MYO5B: variants seen among roughly 807,000 people sequenced by gnomAD.
The protein encoded by MYO5B is unconventional myosin-Vb.
Under a neutral mutation model 229.3 loss-of-function variants are expected in MYO5B, and 143 were observed. The ratio of observed to expected loss-of-function variants is 0.62; its 90% CI spans 0.54 to 0.72. The LOEUF is 0.72. MYO5B is among the 30% of genes least tolerant of loss of function. MYO5B has a pLI of 0.00. For missense variants in MYO5B, 2,321 were observed against 2,331.0 expected (o/e 1.00, Z 0.09); for synonymous variants, 918 against 885.2 (o/e 1.04, Z -0.66).
intron 22 of MYO5B, among the ~76,000 whole-genome samples, chr18:49,889,096 G>A (rs2024679668): frequency 6.6e-6 from 1 of 152,244 alleles, no homozygotes; most frequent in Non-Finnish European, 1.5e-5. Flanking sequence ...AAGTTAAGGA[G>A]CCTGCATTCC....
At position 49,842,718 on chromosome 18, in the gene MYO5B, C is replaced by T. The variant is rs539012437; in HGVS notation, c.4611+523G>A. Among the ~76,000 whole-genome samples, 10 of 152,320 alleles carry T rather than the reference C, an allele frequency of 6.6e-5. No homozygotes were observed. In the South Asian group the frequency reaches 1.5e-3, roughly 22 times the overall value. On this transcript the variant is annotated intron_variant, in intron 34 of 39. Transcript: ENST00000285039. The stretch of plus-strand genomic sequence containing the variant: ...GCCTTGTGCCTTCAGGTGGCATTCC[C>T]GAGCACCTTTAACACCATGCGGCAA...
rs757511853 is a variant in MYO5B, at chr18:49,974,456, T to A, written c.1216A>T (p.Lys406Ter). 6.2e-7 allele frequency: 1 copy of A among 1,614,164 alleles called. No individual in the cohort carries two copies. The highest frequency in any genetic ancestry group is 1.1e-5 in the South Asian group (1 of 91,080). Residue 406 changes from lysine to a stop codon, truncating the protein, a stop_gained, in exon 10 of 40, where the codon AAG (lysine) becomes TAG (stop). Coordinates refer to ENST00000285039, the MANE Select transcript of MYO5B (RefSeq NM_001080467.3). LOFTEE classifies it high-confidence loss of function. ...QVINARNALA[K>*]HIYAQLFGWI... ...CCGAACAACTGGGCATAGATGTGCTTCGCCAGGGCGTTGCGCGCATTGATC... is the reference window on the plus strand; with the variant it reads ...CCGAACAACTGGGCATAGATGTGCTACGCCAGGGCGTTGCGCGCATTGATC...
At chr18:50,057,431 G>A (rs1013656498) in intron 1 of MYO5B, among the ~76,000 whole-genome samples, 2 of 152,208 alleles carry the variant, frequency 1.3e-5, no homozygotes, top group African/African-American at 4.8e-5. Flanking sequence ...GAAAGGAACA[G>A]GAAAATCCCA....
intron 21 of MYO5B, 140 bp downstream of exon 21, chr18:49,902,450 CAGTT>C: frequency 8.9e-7 from 1 of 1,123,278 alleles, no homozygotes; most frequent in Admixed American, 1.8e-5. Context: ...CTGCCTGCCA[CAGTT>C]AGTATCTGCT....
intron 1 of MYO5B, among the ~76,000 whole-genome samples, chr18:50,145,497 C>CAAAAAAAAA (rs369507800): frequency 1.0e-4 from 7 of 70,006 alleles, no homozygotes; most frequent in African/African-American, 4.1e-4. Context: ...GACTCCATCT[C>CAAAAAAAAA]AAAAAAAAAA....
chr18:50,067,131 C>T (rs2030840781), intron 1 of MYO5B, among the ~76,000 whole-genome samples: 1 of 152,102 alleles, frequency 6.6e-6, no homozygotes, highest in African/African-American at 2.4e-5. Context: ...TACCCTTTAT[C>T]CACTCTACTA....
At chr18:50,098,220 A>C (rs1418044145) in intron 1 of MYO5B, among the ~76,000 whole-genome samples, 1 of 152,224 alleles carries the variant, frequency 6.6e-6, no homozygotes, top group African/African-American at 2.4e-5. Flanking sequence ...CTTCAACAAC[A>C]GTTAATACCA....
At chr18:49,907,228 T>C (rs2024909732) in intron 18 of MYO5B, among the ~76,000 whole-genome samples, 2 of 152,142 alleles carry the variant, frequency 1.3e-5, no homozygotes. Context: ...AGCATAAAAT[T>C]GGGGTGAGAG....
chr18:49,887,555 A>G (rs2024658157), intron 22 of MYO5B, among the ~76,000 whole-genome samples: 1 of 152,052 alleles, frequency 6.6e-6, no homozygotes, highest in Non-Finnish European at 1.5e-5. Context: ...TCCCCCTTCA[A>G]CTTTTGCCAT....
At chr18:50,075,120 A>G (rs1226616025) in intron 1 of MYO5B, among the ~76,000 whole-genome samples, 5 of 152,166 alleles carry the variant, frequency 3.3e-5, no homozygotes, top group African/African-American at 9.7e-5. Flanking sequence ...TCTCAGTTAC[A>G]TCTCTAGTGC....
intron 1 of MYO5B, among the ~76,000 whole-genome samples, chr18:50,088,837 A>C (rs1009730119): frequency 3.3e-5 from 5 of 152,324 alleles, no homozygotes; most frequent in Admixed American, 3.3e-4. Flanking sequence ...TCTTTTGAAG[A>C]AAGCCTGCAT....
intron 1 of MYO5B, among the ~76,000 whole-genome samples, chr18:50,141,884 G>A (rs2032423574): frequency 6.6e-6 from 1 of 152,080 alleles, no homozygotes; most frequent in Non-Finnish European, 1.5e-5. Flanking sequence ...CTCTAAAGGG[G>A]GTAAAGACCA....
At chr18:49,864,073 A>G in intron 28 of MYO5B, 68 bp downstream of exon 28, 2 of 1,586,482 alleles carry the variant, frequency 1.3e-6, no homozygotes, top group Admixed American at 3.4e-5. Flanking sequence ...AAAGATAATT[A>G]AAAAAACACT....
At chr18:50,027,195 T>G (rs1443246375) in intron 4 of MYO5B, among the ~76,000 whole-genome samples, 1 of 152,210 alleles carries the variant, frequency 6.6e-6, no homozygotes, top group African/African-American at 2.4e-5. Context: ...GAAAATTATT[T>G]TGGACACACC....
At chr18:49,842,152 T>C (rs2024066182) in intron 34 of MYO5B, among the ~76,000 whole-genome samples, 1 of 151,218 alleles carries the variant, frequency 6.6e-6, no homozygotes, top group Admixed American at 6.6e-5. Context: ...GGCTGGGACA[T>C]GCTATTTTAG....
chr18:49,929,432 A>T, intron 17 of MYO5B, 80 bp downstream of exon 17: 3 of 1,159,616 alleles, frequency 2.6e-6, no homozygotes, highest in East Asian at 2.5e-5. Flanking sequence ...GGCCGACGGT[A>T]CACAGAGGGC....
chr18:50,133,156 T>G (rs1599045335), intron 1 of MYO5B, among the ~76,000 whole-genome samples: 1 of 152,300 alleles, frequency 6.6e-6, no homozygotes, highest in South Asian at 2.1e-4. Flanking sequence ...AGTCTCAAGT[T>G]CCTTATCCAT....
At chr18:49,891,587 G>C (rs4939606) in intron 22 of MYO5B, among the ~76,000 whole-genome samples, 18,829 of 152,226 alleles carry the variant, frequency 0.12, 1,430 homozygotes, top group East Asian at 0.29. Flanking sequence ...CGTCCTTCCA[G>C]AGATGGGTCA....
chr18:50,104,167 T>TAAAAAAAAAAAA lies in MYO5B; in HGVS notation c.28-48790_28-48789insTTTTTTTTTTTT, dbSNP rs144294604. Reference sequence around the variant, plus strand: ...GGGCAACAGATGAGAACTTGTCTATTAAAAAGAAAAAAAAGAAAATTATAC... The same window carrying TAAAAAAAAAAAA: ...GGGCAACAGATGAGAACTTGTCTATTAAAAAAAAAAAAAAAAAGAAAAAAAAGAAAATTATAC... On this transcript the variant is annotated intron_variant, in intron 1 of 39. Coordinates refer to ENST00000285039, the MANE Select transcript of MYO5B (RefSeq NM_001080467.3). Among the ~76,000 whole-genome samples, 169 of 131,452 alleles carry TAAAAAAAAAAAA rather than the reference T, an allele frequency of 1.3e-3. 2 individuals carry two copies. Among genetic ancestry groups the TAAAAAAAAAAAA allele is most frequent in the Middle Eastern group, 3.8e-3 (1 of 264 alleles). The allele number at this position is 131,452 out of a possible 152,430, so 86.2% of individuals were successfully genotyped here.
Sources: allele counts gnomAD v4.1 joint callset (sites outside exome capture counted in the v4.1 genomes callset), GRCh38; gene constraint gnomAD v4.1.1; transcripts MANE v1.5; gene names NCBI Gene and HGNC (gene_info 2026-07-23, HGNC 2026-07-21).